The following SLC45A4 variants were observed in gnomAD, a reference collection of about 807,000 sequenced individuals.
The protein encoded by SLC45A4 is polyamine-transporter SLC45A4.
In SLC45A4, 32 loss-of-function variants were observed where a neutral mutation model predicts 63.7. The ratio of observed to expected loss-of-function variants is 0.50; its 90% CI spans 0.38 to 0.67. The LOEUF (loss-of-function observed/expected upper bound fraction) is 0.67, where lower values mean the gene tolerates loss of function less well. SLC45A4 is among the 30% of genes least tolerant of loss of function. SLC45A4 has a pLI of 0.00. For synonymous variants in SLC45A4, 535 were observed against 510.0 expected, an observed-to-expected ratio of 1.05 and a Z score of -0.66; for missense variants, 1,027 against 1,157.7, an observed-to-expected ratio of 0.89 and a Z score of 1.64.
rs77690170 is a variant in SLC45A4 at position 141,211,030 on chromosome 8, C to T, written c.*542G>A. 1,469 of 162,884 alleles carry T rather than the reference C, an allele frequency of 9.0e-3. 24 individuals carry two copies. The highest frequency in any genetic ancestry group is 0.033 in the African/African-American group (1,384 of 42,022). The allele number at this position is 162,884 out of a possible 1,614,324, so 10.1% of individuals were successfully genotyped here. A position where few individuals can be genotyped will look rare whatever the true frequency, so the allele number is the denominator to read the frequency against. ...TTTGCACCTGTCCCGATTCCAGCGT[C>T]GAGCAGGTGAGCAGGCGAGGAAGGC... On this transcript the variant is annotated 3_prime_UTR_variant, in exon 9 of 9. Coordinates refer to ENST00000517878, the MANE Select transcript of SLC45A4 (RefSeq NM_001286646.2).
chr8:141,294,127 C>G (rs1830453372), intron 1 of SLC45A4, among the ~76,000 whole-genome samples: 1 of 152,136 alleles, frequency 6.6e-6, no homozygotes, highest in Admixed American at 6.6e-5. Context: ...GGCCCAGGAT[C>G]TCTGTAGACC....
chr8:141,284,993 C>A (rs957121186), intron 1 of SLC45A4, among the ~76,000 whole-genome samples: 2 of 137,276 alleles, frequency 1.5e-5, no homozygotes, highest in Non-Finnish European at 3.3e-5. Flanking sequence ...CCAGCAAGGC[C>A]GGCTTGACAG....
chr8:141,218,412 T>G lies in SLC45A4; in HGVS notation c.1228A>C (p.Ser410Arg). 4 of 1,610,716 alleles carry G rather than the reference T, an allele frequency of 2.5e-6. No homozygotes were observed. The highest frequency in any genetic ancestry group is 3.4e-6 in the Non-Finnish European group (4 of 1,179,896). The change falls in exon 5 of 9, where the codon AGC becomes CGC. Residue 410 changes from serine (S) to arginine (R), a missense_variant. By Grantham distance (110) the Ser-to-Arg change is moderately radical. Coordinates refer to ENST00000517878, the MANE Select transcript of SLC45A4 (RefSeq NM_001286646.2). The part of the protein sequence containing the change: ...RVDTKPSATS[S>R]SMRRRRHAFR... ...GCGTGCCGCCGCCGCCGCATGGAGC[T>G]CGACGTGGCCGAGGGCTTCGTGTCC...
At chr8:141,293,598 C>T (rs533130847) in intron 1 of SLC45A4, among the ~76,000 whole-genome samples, 4 of 152,274 alleles carry the variant, frequency 2.6e-5, no homozygotes, top group African/African-American at 7.2e-5. Context: ...AAGGCATGCT[C>T]GGAAATGCAT....
intron 1 of SLC45A4, among the ~76,000 whole-genome samples, chr8:141,296,821 G>T (rs946037308): frequency 1.5e-5 from 2 of 135,882 alleles, no homozygotes; most frequent in African/African-American, 5.5e-5. Flanking sequence ...GGGTGACACA[G>T]CGAGACTCCA....
At chr8:141,241,082 G>C (rs1827888952) in intron 2 of SLC45A4, among the ~76,000 whole-genome samples, 1 of 152,230 alleles carries the variant, frequency 6.6e-6, no homozygotes, top group East Asian at 1.9e-4. Context: ...CTCCTTTATG[G>C]GACTCAGCCT....
Position 141,240,272 on chromosome 8 carries a change from C to T in SLC45A4, c.241+13717G>A, listed in dbSNP as rs548287877. On this transcript the variant is annotated intron_variant, in intron 2 of 8. Coordinates refer to ENST00000517878, the MANE Select transcript of SLC45A4 (RefSeq NM_001286646.2). ...CGAGTGGAGAGAAGTTAGGCTCTCACGTTAATCCAGTTCTAACTCATGAGT... is the reference window on the plus strand; with the variant it reads ...CGAGTGGAGAGAAGTTAGGCTCTCATGTTAATCCAGTTCTAACTCATGAGT... Among the ~76,000 whole-genome samples, 14 of 152,310 alleles carry T rather than the reference C, an allele frequency of 9.2e-5. No individual in the cohort carries two copies. The East Asian group carries it at 1.2e-3, about 13-fold the overall frequency.
At chr8:141,290,808 G>A (rs1436351977) in intron 1 of SLC45A4, among the ~76,000 whole-genome samples, 1 of 152,202 alleles carries the variant, frequency 6.6e-6, no homozygotes, top group Admixed American at 6.5e-5. Flanking sequence ...GGGGGCCTGG[G>A]GAGGATCTTT....
rs530767074 is a variant in SLC45A4 at position 141,270,681 on chromosome 8, C to T, written c.-400-16052G>A. Among the ~76,000 whole-genome samples the T allele has an allele frequency of 1.1e-3, 169 of 152,224 alleles. 1 individual carries two copies. The highest frequency in any genetic ancestry group is 3.9e-3 in the African/African-American group (164 of 41,532). Reference sequence around the variant, plus strand: ...GTCTCTGTCCCGTGTCCAATGCCAGCGTGACCCTCGCAGACTCGCCCAGAC... The same window carrying T: ...GTCTCTGTCCCGTGTCCAATGCCAGTGTGACCCTCGCAGACTCGCCCAGAC... On this transcript the variant is annotated intron_variant, in intron 1 of 8. Transcript: ENST00000517878.
intron 1 of SLC45A4, among the ~76,000 whole-genome samples, chr8:141,279,460 G>C (rs530134376): frequency 6.6e-6 from 1 of 152,344 alleles, no homozygotes; most frequent in East Asian, 1.9e-4. Context: ...CCATTCTTAC[G>C]TCTGTCACTT....
chr8:141,211,215 T>G lies in SLC45A4; in HGVS notation c.*357A>C, dbSNP rs574880460. On this transcript the variant is annotated 3_prime_UTR_variant, in exon 9 of 9. Transcript: ENST00000517878. ...CCCCAGCAAATGGTTTAGAGACGAA[T>G]CAAAGTGCAGTGAAAGTCAACGTTT... 1 of 430,460 alleles carries G rather than the reference T, an allele frequency of 2.3e-6. No individual in the cohort carries two copies. The highest frequency in any genetic ancestry group is 4.1e-6 in the Non-Finnish European group (1 of 244,330). The allele number at this position is 430,460 out of a possible 1,614,324, so 26.7% of individuals were successfully genotyped here.
Position 141,211,269 on chromosome 8 carries a change from G to T in SLC45A4, c.*303C>A. 1 of 589,996 alleles carries T rather than the reference G, an allele frequency of 1.7e-6. No homozygotes were observed. The highest frequency in any genetic ancestry group is 2.7e-6 in the Non-Finnish European group (1 of 372,148). The allele number at this position is 589,996 out of a possible 1,614,324, so 36.5% of individuals were successfully genotyped here. On this transcript the variant is annotated 3_prime_UTR_variant, in exon 9 of 9. Coordinates refer to ENST00000517878, the MANE Select transcript of SLC45A4 (RefSeq NM_001286646.2). The stretch of plus-strand genomic sequence containing the variant: ...TCCCCCTGACGTTGGGAGCGGTCTG[G>T]AGGGGCAACCTGGCCTCCTAGGAGA...
At chr8:141,217,474 G>C (rs1826230357) in intron 5 of SLC45A4, among the ~76,000 whole-genome samples, 1 of 152,264 alleles carries the variant, frequency 6.6e-6, no homozygotes, top group African/African-American at 2.4e-5. Context: ...ACTTGCAGAA[G>C]TGACGCTCCC....
rs112576825 is a variant in SLC45A4, at chr8:141,218,944, C to T, written c.696G>A (p.Gln232=). The T allele has an allele frequency of 6.2e-7, 1 of 1,613,732 alleles. No individual in the cohort carries two copies. Among genetic ancestry groups the T allele is most frequent in the Non-Finnish European group, 8.5e-7 (1 of 1,179,946 alleles). ...TGATGGCGGCAAAGAAGAAGAGCACCTGGTTCTGGGTCCGGAACCAGCTGC... is the reference window on the plus strand; with the variant it reads ...TGATGGCGGCAAAGAAGAAGAGCACTTGGTTCTGGGTCCGGAACCAGCTGC... ...FLGSWFRTQN[Q]VLFFFAAIIF... The change falls in exon 5 of 9, where the codon CAG becomes CAA. Residue 232 remains glutamine, a synonymous_variant. Coordinates refer to ENST00000517878, the MANE Select transcript of SLC45A4 (RefSeq NM_001286646.2).
chr8:141,219,961 G>A (rs1826499287), intron 3 of SLC45A4, 132 bp from the exon 4 acceptor site: 1 of 853,784 alleles, frequency 1.2e-6, no homozygotes, highest in Non-Finnish European at 1.7e-6. Flanking sequence ...TCCAGCACAA[G>A]AGAGAGGCTC....
chr8:141,211,306 G>C lies in SLC45A4; in HGVS notation c.*266C>G, dbSNP rs942275716. Reference sequence around the variant, plus strand: ...GGCCTCCTAGGAGAGTCCTTCAGACGGGACGAGCGGGGTCACATGGCTGGG... The same window carrying C: ...GGCCTCCTAGGAGAGTCCTTCAGACCGGACGAGCGGGGTCACATGGCTGGG... On this transcript the variant is annotated 3_prime_UTR_variant, in exon 9 of 9. Coordinates refer to ENST00000517878, the MANE Select transcript of SLC45A4 (RefSeq NM_001286646.2). 2 of 1,033,212 alleles carry C rather than the reference G, an allele frequency of 1.9e-6. No homozygotes were observed. Among genetic ancestry groups the C allele is most frequent in the Non-Finnish European group, 2.7e-6 (2 of 750,326 alleles). 64.0% of individuals were successfully genotyped at this position (1,033,212 alleles called of 1,614,324 possible). A position where few individuals can be genotyped will look rare whatever the true frequency, so the allele number is the denominator to read the frequency against.
At chr8:141,244,960 G>A (rs961665900) in intron 2 of SLC45A4, among the ~76,000 whole-genome samples, 3 of 125,580 alleles carry the variant, frequency 2.4e-5, no homozygotes, top group African/African-American at 8.3e-5. Context: ...ACGTGGGTGG[G>A]GGGGGGGGGC....
At chr8:141,233,113 A>G (rs1827450557) in intron 2 of SLC45A4, among the ~76,000 whole-genome samples, 1 of 152,236 alleles carries the variant, frequency 6.6e-6, no homozygotes, top group Non-Finnish European at 1.5e-5. Context: ...AACTGTAAGC[A>G]AGTAACTTTT....
At chr8:141,234,971 G>A (rs1359929807) in intron 2 of SLC45A4, among the ~76,000 whole-genome samples, 5 of 152,188 alleles carry the variant, frequency 3.3e-5, no homozygotes, top group Admixed American at 2.0e-4. Flanking sequence ...TGCCTTCCCC[G>A]AGGACAGGAA....
Sources: gnomAD v4.1 joint callset for allele counts (sites outside exome capture counted in the v4.1 genomes callset) on GRCh38, gnomAD v4.1.1 for gene constraint, MANE v1.5 for transcripts, NCBI Gene and HGNC (gene_info 2026-07-23, HGNC 2026-07-21) for gene names.